The following CACNA1D variants were observed in gnomAD, a reference collection of about 807,000 sequenced individuals.
The protein encoded by CACNA1D is voltage-dependent L-type calcium channel subunit alpha-1D.
CACNA1D carries 55 observed loss-of-function variants against 257.1 expected under a neutral mutation model. That is an observed-to-expected ratio of 0.21 (90% CI 0.17 to 0.27). The LOEUF is 0.27. CACNA1D is among the 10% of genes least tolerant of loss of function. CACNA1D has a pLI of 1.00. For missense variants in CACNA1D, 1,876 were observed against 2,784.0 expected, an observed-to-expected ratio of 0.67 and a Z score of 7.34; for synonymous variants, 980 against 1,014.9, an observed-to-expected ratio of 0.97 and a Z score of 0.65.
chr3:53,723,888 C>A lies in CACNA1D; in HGVS notation c.1989C>A (p.Ile663=). The A allele has an allele frequency of 6.2e-7, 1 of 1,614,196 alleles. No homozygotes were observed. The highest frequency in any genetic ancestry group is 8.5e-7 in the Non-Finnish European group (1 of 1,180,016). Residue 663 remains isoleucine (I), a synonymous_variant, in exon 14 of 48, where the codon ATC becomes ATA. Coordinates refer to ENST00000350061, the MANE Select transcript of CACNA1D (RefSeq NM_001128840.3). This position sits in a 1 kb window ranked among gnomAD's most constrained non-coding sequence, Gnocchi z 5.6. ...TTCTGCTTTTTCTCTTCATTATCATCTTTTCCTTGCTTGGGATGCAGCTGT... is the reference window on the plus strand; with the variant it reads ...TTCTGCTTTTTCTCTTCATTATCATATTTTCCTTGCTTGGGATGCAGCTGT... ...LLLLLFLFII[I]FSLLGMQLFG...
At position 53,673,308 on chromosome 3, in the gene CACNA1D, C is replaced by A. The variant is rs2094343606; in HGVS notation, c.1220+182C>A. ...TGTTTCCTGGAACCTCACCAGGCTT[C>A]ATGAAGGAGAACTATAGAACGATTA... On this transcript the variant is annotated intron_variant, in intron 8 of 47. Transcript: ENST00000350061. The surrounding 1 kb of genome is among the most constrained non-coding windows in gnomAD (Gnocchi z 4.1). Among the ~76,000 whole-genome samples the A allele has an allele frequency of 6.6e-6, 1 of 152,176 alleles. No homozygotes were observed. Among genetic ancestry groups the A allele is most frequent in the Non-Finnish European group, 1.5e-5 (1 of 68,036 alleles).
At chr3:53,538,392 A>G (rs1214794030) in intron 3 of CACNA1D, among the ~76,000 whole-genome samples, 1 of 152,082 alleles carries the variant, frequency 6.6e-6, no homozygotes, top group Non-Finnish European at 1.5e-5. Context: ...CCTCACCTCA[A>G]GTGATCCGTC....
At chr3:53,810,889 G>T (rs1451344085) in intron 47 of CACNA1D, among the ~76,000 whole-genome samples, 1 of 151,556 alleles carries the variant, frequency 6.6e-6, no homozygotes, top group African/African-American at 2.4e-5. Context: ...TCTTTCCCCA[G>T]TGGGTTTCAC....
chr3:53,716,523 A>G (rs2094819871), intron 9 of CACNA1D, among the ~76,000 whole-genome samples: 1 of 149,748 alleles, frequency 6.7e-6, no homozygotes, highest in African/African-American at 2.5e-5. Context: ...GTGTTAATGG[A>G]GTTTTTTTTT....
chr3:53,548,895 C>T (rs909404012), intron 3 of CACNA1D, among the ~76,000 whole-genome samples: 2 of 152,150 alleles, frequency 1.3e-5, no homozygotes, highest in Admixed American at 1.3e-4. Flanking sequence ...ACATATTCTC[C>T]TTGCCTGGAA....
chr3:53,752,845 C>A (rs2095237873), intron 28 of CACNA1D, among the ~76,000 whole-genome samples: 2 of 152,352 alleles, frequency 1.3e-5, no homozygotes, highest in South Asian at 4.1e-4. Context: ...ACCTGAGTTA[C>A]AGCTACTTCT....
At chr3:53,665,613 G>A in intron 5 of CACNA1D, 47 bp from the exon 6 acceptor site, 2 of 1,472,468 alleles carry the variant, frequency 1.4e-6, no homozygotes, top group South Asian at 1.1e-5. Context: ...ATGATTCATT[G>A]GAGTGCCTTC....
intron 9 of CACNA1D, among the ~76,000 whole-genome samples, chr3:53,706,481 C>T (rs1283820056): frequency 6.6e-6 from 1 of 152,190 alleles, no homozygotes; most frequent in Non-Finnish European, 1.5e-5. Flanking sequence ...CTTTCCTTGT[C>T]TGCAAGAAGG....
rs149746093 is a variant in CACNA1D, at chr3:53,803,483, C to G, written c.5496C>G (p.Gly1832=). 1 of 1,613,968 alleles carries G rather than the reference C, an allele frequency of 6.2e-7. No individual in the cohort carries two copies. The highest frequency in any genetic ancestry group is 8.5e-7 in the Non-Finnish European group (1 of 1,179,792). ...GCCGGGAAGACCCAGAGATACATGG[C>G]TATTTCAGGGACCCCCACTGCTTGG... The part of the protein sequence containing the change: ...TICREDPEIH[G]YFRDPHCLGE... The change falls in exon 44 of 48, where the codon GGC becomes GGG. Residue 1832 remains glycine, a synonymous_variant. Coordinates refer to ENST00000350061, the MANE Select transcript of CACNA1D (RefSeq NM_001128840.3).
chr3:53,695,552 G>C (rs546758041), intron 8 of CACNA1D, among the ~76,000 whole-genome samples: 1 of 152,334 alleles, frequency 6.6e-6, no homozygotes, highest in South Asian at 2.1e-4. Context: ...CACATGAGGG[G>C]AGATGATTAC....
intron 31 of CACNA1D, 76 bp downstream of exon 31, chr3:53,770,093 T>C: frequency 2.6e-6 from 3 of 1,170,562 alleles, no homozygotes; most frequent in South Asian, 2.4e-5. Flanking sequence ...TTTCCACTGG[T>C]TTTTCTGTAT....
intron 9 of CACNA1D, among the ~76,000 whole-genome samples, chr3:53,717,127 C>T (rs946871379): frequency 6.6e-6 from 1 of 152,228 alleles, no homozygotes; most frequent in Non-Finnish European, 1.5e-5. Context: ...CTGAAGACAT[C>T]GTAAGGTCTG....
chr3:53,624,223 T>C (rs1421927988), intron 3 of CACNA1D, among the ~76,000 whole-genome samples: 1 of 152,182 alleles, frequency 6.6e-6, no homozygotes, highest in African/African-American at 2.4e-5. Flanking sequence ...AGGACAGAGA[T>C]TGGATCAACA....
intron 20 of CACNA1D, among the ~76,000 whole-genome samples, chr3:53,736,897 A>C (rs913024111): frequency 9.2e-5 from 14 of 151,522 alleles, no homozygotes; most frequent in African/African-American, 2.2e-4. Flanking sequence ...CTAAAAAAAA[A>C]AAAAAAACAA....
At chr3:53,511,503 A>G (rs1280505076) in intron 3 of CACNA1D, among the ~76,000 whole-genome samples, 1 of 152,212 alleles carries the variant, frequency 6.6e-6, no homozygotes, top group Admixed American at 6.5e-5. Context: ...TTGTTGGAGC[A>G]CAATGAGCCA....
In CACNA1D at chr3:53,552,313, C is replaced by T. The variant is rs534114164; in HGVS notation, c.483+50593C>T. On this transcript the variant is annotated intron_variant, in intron 3 of 47. Coordinates refer to ENST00000350061, the MANE Select transcript of CACNA1D (RefSeq NM_001128840.3). The stretch of plus-strand genomic sequence containing the variant: ...AAGGGCTGGGTCGGAAGCTATGCCA[C>T]CAGAAGCCATGCTGCCCTTTCCACC... 5.9e-5 allele frequency among the ~76,000 whole-genome samples: 9 copies of T among 152,312 alleles called. No homozygotes were observed. The South Asian group carries it at 1.9e-3, about 32-fold the overall frequency.
intron 8 of CACNA1D, among the ~76,000 whole-genome samples, chr3:53,686,792 A>G (rs945197598): frequency 5.3e-5 from 8 of 152,102 alleles, no homozygotes; most frequent in African/African-American, 9.6e-5. Context: ...TGTTTTATTG[A>G]AAGTCTGAAG....
At chr3:53,547,922 C>A (rs1404342373) in intron 3 of CACNA1D, among the ~76,000 whole-genome samples, 2 of 152,352 alleles carry the variant, frequency 1.3e-5, no homozygotes, top group East Asian at 3.9e-4. Context: ...ATGCCGACTA[C>A]TTCCTTGGAA....
intron 39 of CACNA1D, among the ~76,000 whole-genome samples, chr3:53,785,217 A>G (rs1355811174): frequency 6.6e-6 from 1 of 152,200 alleles, no homozygotes; most frequent in Non-Finnish European, 1.5e-5. Flanking sequence ...CTTCTTGCCT[A>G]TGGACCTTGC....
Sources: gnomAD v4.1 joint callset for allele counts (sites outside exome capture counted in the v4.1 genomes callset) on GRCh38, gnomAD v4.1.1 for gene constraint, Gnocchi (gnomAD v3.1) non-coding constraint, MANE v1.5 for transcripts, NCBI Gene and HGNC (gene_info 2026-07-23, HGNC 2026-07-21) for gene names.